Variants in SNAP91 observed in about 807,000 individuals in gnomAD.
The protein encoded by SNAP91 is synaptosome associated protein 91.
Under a neutral mutation model 100.3 loss-of-function variants are expected in SNAP91, and 27 were observed. The observed-to-expected ratio is 0.27, with a 90% CI of 0.20 to 0.37. The LOEUF (loss-of-function observed/expected upper bound fraction) is 0.37, where lower values mean the gene tolerates loss of function less well. SNAP91 is among the 10% of genes least tolerant of loss of function. SNAP91 has a pLI of 1.00. For missense variants in SNAP91, 986 were observed against 1,123.7 expected (o/e 0.88, Z 1.75); for synonymous variants, 404 against 398.6 (o/e 1.01, Z -0.16).
At chr6:83,621,733 CA>C (rs1266197933) in intron 9 of SNAP91, among the ~76,000 whole-genome samples, 1 of 151,968 alleles carries the variant, frequency 6.6e-6, no homozygotes, top group Non-Finnish European at 1.5e-5. Context: ...TCAGACTGCC[CA>C]AACTAAGTAT....
chr6:83,617,937 G>A (rs550747274), intron 9 of SNAP91, among the ~76,000 whole-genome samples: 1 of 151,822 alleles, frequency 6.6e-6, no homozygotes, highest in Non-Finnish European at 1.5e-5. Context: ...ACCCTTATAG[G>A]TATATTTAAT....
Position 83,617,040 on chromosome 6 carries a change from C to A in SNAP91, c.808-1G>T. 6.5e-7 allele frequency: 1 copy of A among 1,532,966 alleles called. No individual in the cohort carries two copies. The highest frequency in any genetic ancestry group is 8.8e-7 in the Non-Finnish European group (1 of 1,137,166). The allele number at this position is 1,532,966 out of a possible 1,614,324, so 95.0% of individuals were successfully genotyped here. On this transcript the variant is annotated splice_acceptor_variant, in intron 9 of 29. Coordinates refer to ENST00000369694, the MANE Select transcript of SNAP91 (RefSeq NM_001242792.2). LOFTEE classifies it high-confidence loss of function. ...GCGTCTCCATAAGACTGCTGGGAGC[C>A]TACAATAAGAAAGTAAAAATAAATG...
chr6:83,591,814 T>C (rs2093792526), intron 21 of SNAP91, among the ~76,000 whole-genome samples: 1 of 152,184 alleles, frequency 6.6e-6, no homozygotes, highest in South Asian at 2.1e-4. Flanking sequence ...TCCATGATGC[T>C]TCAATGTACA....
intron 24 of SNAP91, among the ~76,000 whole-genome samples, chr6:83,577,314 G>A (rs900086680): frequency 1.3e-5 from 2 of 152,000 alleles, no homozygotes; most frequent in Non-Finnish European, 2.9e-5. Flanking sequence ...TATATTAACT[G>A]AACACCAAAT....
chr6:83,569,513 G>T (rs186438814), intron 26 of SNAP91, among the ~76,000 whole-genome samples: 1 of 152,164 alleles, frequency 6.6e-6, no homozygotes, highest in Non-Finnish European at 1.5e-5. Context: ...CTCAGGGTGG[G>T]TAATGGCCAA....
intron 2 of SNAP91, among the ~76,000 whole-genome samples, chr6:83,695,554 T>C (rs936906390): frequency 6.6e-6 from 1 of 152,162 alleles, no homozygotes; most frequent in African/African-American, 2.4e-5. Flanking sequence ...ATTATTTACC[T>C]GATATAAAGC....
intron 9 of SNAP91, among the ~76,000 whole-genome samples, chr6:83,617,482 A>G (rs1246989392): frequency 6.6e-6 from 1 of 151,952 alleles, no homozygotes; most frequent in Non-Finnish European, 1.5e-5. Flanking sequence ...TGTCTGAAAT[A>G]TTAGGAAAAA....
intron 26 of SNAP91, among the ~76,000 whole-genome samples, chr6:83,566,393 A>AAATACCTATAAAATTATATTT (rs1796618970): frequency 1.3e-5 from 2 of 152,190 alleles, no homozygotes; most frequent in South Asian, 2.1e-4. Flanking sequence ...AAAAGAAAGA[A>AAATACCTATAAAATTATATTT]AATACCTATA....
At chr6:83,657,130 T>A (rs183199228) in intron 6 of SNAP91, among the ~76,000 whole-genome samples, 143 of 152,330 alleles carry the variant, frequency 9.4e-4, no homozygotes, top group African/African-American at 3.3e-3. Flanking sequence ...ATCCATAGAT[T>A]ATTCAAATTT....
In SNAP91 at chr6:83,617,037, A is replaced by G. The variant is rs780230977; in HGVS notation, c.810T>C (p.Ala270=). 2 of 1,535,728 alleles carry G rather than the reference A, an allele frequency of 1.3e-6. No individual in the cohort carries two copies. The highest frequency in any genetic ancestry group is 8.8e-7 in the Non-Finnish European group (1 of 1,138,808). ...CAAGCGTCTCCATAAGACTGCTGGG[A>G]GCCTACAATAAGAAAGTAAAAATAA... ...DKGDIPDLTQ[A]PSSLMETLEQ... is the part of the protein sequence containing the mutation. Residue 270 remains alanine, a splice_region_variant and synonymous_variant, in exon 10 of 30, where the codon GCT becomes GCC. Transcript: ENST00000369694.
chr6:83,567,643 C>G (rs1798732283), intron 26 of SNAP91, among the ~76,000 whole-genome samples: 1 of 151,974 alleles, frequency 6.6e-6, no homozygotes, highest in African/African-American at 2.4e-5. Context: ...AGAACTCAAA[C>G]AAATTTACAA....
chr6:83,616,887 A>C (rs2096515838), intron 10 of SNAP91, 82 bp downstream of exon 10: 12 of 948,992 alleles, frequency 1.3e-5, no homozygotes, highest in Middle Eastern at 3.3e-4. Context: ...GAGCAATATA[A>C]GTTGTACCAT....
chr6:83,623,077 C>A (rs141387986), intron 9 of SNAP91, among the ~76,000 whole-genome samples: 1 of 152,046 alleles, frequency 6.6e-6, no homozygotes, highest in Non-Finnish European at 1.5e-5. Flanking sequence ...AATTCAGTTG[C>A]GTTTAAAGAA....
At chr6:83,705,743 T>C (rs2099367236) in intron 2 of SNAP91, among the ~76,000 whole-genome samples, 1 of 151,310 alleles carries the variant, frequency 6.6e-6, no homozygotes, top group Admixed American at 6.6e-5. Context: ...CCTGGGAGGC[T>C]GCAGTGGGCC....
chr6:83,668,795 A>C (rs2098733124), intron 2 of SNAP91, among the ~76,000 whole-genome samples: 1 of 152,034 alleles, frequency 6.6e-6, no homozygotes, highest in Non-Finnish European at 1.5e-5. Flanking sequence ...TTCGTTAGTA[A>C]TTTAAGAGTA....
intron 26 of SNAP91, among the ~76,000 whole-genome samples, chr6:83,573,904 T>C (rs962130791): frequency 6.6e-6 from 1 of 152,226 alleles, no homozygotes; most frequent in African/African-American, 2.4e-5. Context: ...AAGGACTTCA[T>C]GTCTAAAACA....
chr6:83,675,489 A>T (rs918920586), intron 2 of SNAP91, among the ~76,000 whole-genome samples: 5 of 152,142 alleles, frequency 3.3e-5, no homozygotes, highest in African/African-American at 4.8e-5. Context: ...TTTTGAAAAA[A>T]ATATATATAC....
intron 8 of SNAP91, among the ~76,000 whole-genome samples, chr6:83,628,123 T>C (rs921655261): frequency 6.6e-6 from 1 of 151,568 alleles, no homozygotes; most frequent in African/African-American, 2.4e-5. Context: ...TTTCCATTCC[T>C]GAGTTACTTC....
rs374339201 is a variant in SNAP91, at chr6:83,679,567, C to G, written c.131-13986G>C. Among the ~76,000 whole-genome samples the G allele has an allele frequency of 1.9e-3, 288 of 152,180 alleles. 1 individual carries two copies. Among genetic ancestry groups the G allele is most frequent in the African/African-American group, 6.1e-3 (252 of 41,540 alleles). ...CCCTATCTCTTCTTTTTCTACAAGG[C>G]CCTGCACATCTGAGATCCTTGACCA... On this transcript the variant is annotated intron_variant, in intron 2 of 29. Transcript: ENST00000369694.
Sources: allele counts gnomAD v4.1 joint callset (sites outside exome capture counted in the v4.1 genomes callset), GRCh38; gene constraint gnomAD v4.1.1; transcripts MANE v1.5; gene names NCBI Gene and HGNC (gene_info 2026-07-23, HGNC 2026-07-21).